The following KIRREL3 variants were observed in gnomAD, a reference collection of about 807,000 sequenced individuals.
KIRREL3 encodes kirre like nephrin family adhesion molecule 3.
A neutral mutation model predicts 89.7 loss-of-function variants in KIRREL3; 36 were observed. That is an observed-to-expected ratio of 0.40 (90% CI 0.31 to 0.53). KIRREL3 has a LOEUF of 0.53. Among genes scored for constraint, KIRREL3 ranks in the 20% least tolerant of loss-of-function variants. KIRREL3 has a pLI of 0.49. For synonymous variants in KIRREL3, 445 were observed against 441.4 expected, an observed-to-expected ratio of 1.01 and a Z score of -0.10; for missense variants, 864 against 1,056.6, an observed-to-expected ratio of 0.82 and a Z score of 2.53.
At chr11:126,874,484 C>T (rs1422675766) in intron 1 of KIRREL3, among the ~76,000 whole-genome samples, 2 of 152,210 alleles carry the variant, frequency 1.3e-5, no homozygotes, top group Admixed American at 6.5e-5. Context: ...GATGACTGCA[C>T]TCGGAAGAAT....
rs1405961339 is a variant in KIRREL3, at chr11:126,459,052, A to T, written c.743-2598T>A. Among the ~76,000 whole-genome samples, 3 of 152,102 alleles carry T rather than the reference A, an allele frequency of 2.0e-5. No homozygotes were observed. The highest frequency in any genetic ancestry group is 7.2e-5 in the African/African-American group (3 of 41,406). ...GGTTGGAGAAGTGGAGGTGGGGCAG[A>T]GGAGCTTGGGAATCGCCACCGGATC... On this transcript the variant is annotated intron_variant, in intron 6 of 16. Transcript: ENST00000525144. The surrounding 1 kb of genome is among the most constrained non-coding windows in gnomAD (Gnocchi z 4.8).
intron 1 of KIRREL3, among the ~76,000 whole-genome samples, chr11:126,949,306 G>A (rs1948710743): frequency 2.0e-5 from 3 of 152,152 alleles, no homozygotes; most frequent in Admixed American, 2.0e-4. Flanking sequence ...GTGAGGTGGT[G>A]GGTCTTCTGT....
rs56961102 is a variant in KIRREL3 at position 126,445,178 on chromosome 11, C to T, written c.1126-73G>A. The stretch of plus-strand genomic sequence containing the variant: ...ACTCTTGTCTCTGGGAACAAGGCAG[C>T]TGAGAGGCTGGCCTGGGGTAACTGA... On this transcript the variant is annotated intron_variant, in intron 9 of 16. Coordinates refer to ENST00000525144, the MANE Select transcript of KIRREL3 (RefSeq NM_032531.4). 1.5e-3 allele frequency: 2,415 copies of T among 1,566,834 alleles called. 25 individuals carry two copies. The African/African-American group carries it at 0.027, about 17-fold the overall frequency.
In KIRREL3 at chr11:126,628,276, C is replaced by T. The variant is rs756890233; in HGVS notation, c.56-65364G>A. Among the ~76,000 whole-genome samples the T allele has an allele frequency of 1.1e-4, 17 of 152,152 alleles. No individual in the cohort carries two copies. The highest frequency in any genetic ancestry group is 1.6e-4 in the Non-Finnish European group (11 of 68,028). ...AGACTCTTTCTCTCCAGCCTGGCCTCGCCTTCTCTGTGAGAAGGAAAATGA... is the reference window on the plus strand; with the variant it reads ...AGACTCTTTCTCTCCAGCCTGGCCTTGCCTTCTCTGTGAGAAGGAAAATGA... On this transcript the variant is annotated intron_variant, in intron 1 of 16. Coordinates refer to ENST00000525144, the MANE Select transcript of KIRREL3 (RefSeq NM_032531.4). This position sits in a 1 kb window ranked among gnomAD's most constrained non-coding sequence, Gnocchi z 5.2.
At position 126,579,451 on chromosome 11, in the gene KIRREL3, T is replaced by C. The variant is rs953815268; in HGVS notation, c.56-16539A>G. 1.3e-5 allele frequency among the ~76,000 whole-genome samples: 2 copies of C among 152,188 alleles called. No individual in the cohort carries two copies. Among genetic ancestry groups the C allele is most frequent in the African/African-American group, 4.8e-5 (2 of 41,448 alleles). The stretch of plus-strand genomic sequence containing the variant: ...TTAGATTTCTACTGTGCCTTTTCTC[T>C]GCAGAGTGCTCAGTGTCCCCAGGAA... On this transcript the variant is annotated intron_variant, in intron 1 of 16. Coordinates refer to ENST00000525144, the MANE Select transcript of KIRREL3 (RefSeq NM_032531.4). This position sits in a 1 kb window ranked among gnomAD's most constrained non-coding sequence, Gnocchi z 5.3.
At position 126,904,849 on chromosome 11, in the gene KIRREL3, G is replaced by A. The variant is rs1308965491; in HGVS notation, c.55+95606C>T. Among the ~76,000 whole-genome samples, 2 of 152,174 alleles carry A rather than the reference G, an allele frequency of 1.3e-5. No homozygotes were observed. Among genetic ancestry groups the A allele is most frequent in the African/African-American group, 2.4e-5 (1 of 41,436 alleles). The stretch of plus-strand genomic sequence containing the variant: ...TCAGAGACATTAAGATCCCAGAGAA[G>A]AGAAACTGTAAAAATGTTCTTTGAT... On this transcript the variant is annotated intron_variant, in intron 1 of 16. Transcript: ENST00000525144. This position sits in a 1 kb window ranked among gnomAD's most constrained non-coding sequence, Gnocchi z 4.4.
Position 126,983,107 on chromosome 11 carries a change from AT to A in KIRREL3, c.55+17347del, listed in dbSNP as rs1169850960. On this transcript the variant is annotated intron_variant, in intron 1 of 16. Coordinates refer to ENST00000525144, the MANE Select transcript of KIRREL3 (RefSeq NM_032531.4). The surrounding 1 kb of genome is among the most constrained non-coding windows in gnomAD (Gnocchi z 4.9). Reference sequence around the variant, plus strand: ...AACCATTTTGTACTAAGCACCTATTATTTGATAATCCCCATAGATATACATG... The same window carrying A: ...AACCATTTTGTACTAAGCACCTATTATTGATAATCCCCATAGATATACATG... Among the ~76,000 whole-genome samples the A allele has an allele frequency of 6.6e-6, 1 of 152,172 alleles. No individual in the cohort carries two copies. The highest frequency in any genetic ancestry group is 1.5e-5 in the Non-Finnish European group (1 of 68,042).
chr11:126,650,806 A>G (rs921116085), intron 1 of KIRREL3, among the ~76,000 whole-genome samples: 9 of 152,134 alleles, frequency 5.9e-5, no homozygotes, highest in African/African-American at 2.2e-4. Flanking sequence ...TACTGGTACC[A>G]ATTTACTGTA....
rs943073658 is a variant in KIRREL3 at position 126,655,177 on chromosome 11, G to A, written c.56-92265C>T. 1.3e-5 allele frequency among the ~76,000 whole-genome samples: 2 copies of A among 152,204 alleles called. No homozygotes were observed. The highest frequency in any genetic ancestry group is 4.8e-5 in the African/African-American group (2 of 41,452). ...AGAAGAAAGTGCAGGGTTGGGGTACGGGGAAAGGGGTAAGAAAGGAGATTA... is the reference window on the plus strand; with the variant it reads ...AGAAGAAAGTGCAGGGTTGGGGTACAGGGAAAGGGGTAAGAAAGGAGATTA... On this transcript the variant is annotated intron_variant, in intron 1 of 16. Transcript: ENST00000525144. The surrounding 1 kb of genome is among the most constrained non-coding windows in gnomAD (Gnocchi z 5.0).
At chr11:126,657,611 G>T (rs1031938706) in intron 1 of KIRREL3, among the ~76,000 whole-genome samples, 120 of 152,308 alleles carry the variant, frequency 7.9e-4, no homozygotes, top group African/African-American at 1.4e-4. Flanking sequence ...TGGGTTGGGG[G>T]TGAGGTGGAG....
chr11:126,501,574 C>T lies in KIRREL3; in HGVS notation c.433+19741G>A, dbSNP rs2134368663. Among the ~76,000 whole-genome samples, 1 of 152,288 alleles carries T rather than the reference C, an allele frequency of 6.6e-6. No homozygotes were observed. Among genetic ancestry groups the T allele is most frequent in the African/African-American group, 2.4e-5 (1 of 41,550 alleles). On this transcript the variant is annotated intron_variant, in intron 4 of 16. Coordinates refer to ENST00000525144, the MANE Select transcript of KIRREL3 (RefSeq NM_032531.4). The surrounding 1 kb of genome is among the most constrained non-coding windows in gnomAD (Gnocchi z 5.8). ...AGCTAGGATTTGAACCCAGGCTGTT[C>T]AACTCCAAGTTCTGGGCTCTTTAAA...
At chr11:126,964,755 C>T (rs1186635263) in intron 1 of KIRREL3, among the ~76,000 whole-genome samples, 2 of 152,140 alleles carry the variant, frequency 1.3e-5, no homozygotes, top group African/African-American at 4.8e-5. Context: ...TCAAGGTCAA[C>T]ACTGAGATTT....
At chr11:126,792,847 G>A (rs933500805) in intron 1 of KIRREL3, among the ~76,000 whole-genome samples, 1 of 152,110 alleles carries the variant, frequency 6.6e-6, no homozygotes, top group Non-Finnish European at 1.5e-5. Context: ...GGATATACAC[G>A]TGTGATAAAG....
intron 1 of KIRREL3, among the ~76,000 whole-genome samples, chr11:126,693,481 A>G (rs1946959982): frequency 6.6e-6 from 1 of 152,176 alleles, no homozygotes; most frequent in South Asian, 2.1e-4. Flanking sequence ...GGAGATGAAG[A>G]ATGCATCTGA....
At chr11:126,499,661 G>C (rs547909035) in intron 4 of KIRREL3, among the ~76,000 whole-genome samples, 1 of 152,208 alleles carries the variant, frequency 6.6e-6, no homozygotes, top group Admixed American at 6.5e-5. Context: ...CAGGGTGGGC[G>C]TCTATCTTTC....
chr11:126,716,761 A>G (rs149524177), intron 1 of KIRREL3, among the ~76,000 whole-genome samples: 47 of 48,396 alleles, frequency 9.7e-4, no homozygotes, highest in Middle Eastern at 9.6e-3. Flanking sequence ...GGGGGGGGGG[A>G]AGTGTGGGGG....
rs916906880 is a variant in KIRREL3, at chr11:126,639,340, C to T, written c.56-76428G>A. 2.0e-5 allele frequency among the ~76,000 whole-genome samples: 3 copies of T among 152,122 alleles called. No individual in the cohort carries two copies. Among genetic ancestry groups the T allele is most frequent in the Admixed American group, 2.0e-4 (3 of 15,282 alleles). On this transcript the variant is annotated intron_variant, in intron 1 of 16. Coordinates refer to ENST00000525144, the MANE Select transcript of KIRREL3 (RefSeq NM_032531.4). The surrounding 1 kb of genome is among the most constrained non-coding windows in gnomAD (Gnocchi z 4.3). ...TGTATTTCTGTTTGGATTTTTGGGTCCTTTTCTTTTTGTACCTCTGGGTAA... is the reference window on the plus strand; with the variant it reads ...TGTATTTCTGTTTGGATTTTTGGGTTCTTTTCTTTTTGTACCTCTGGGTAA...
In KIRREL3 at chr11:126,948,571, C is replaced by G. The variant is rs1310253213; in HGVS notation, c.55+51884G>C. On this transcript the variant is annotated intron_variant, in intron 1 of 16. Coordinates refer to ENST00000525144, the MANE Select transcript of KIRREL3 (RefSeq NM_032531.4). This position sits in a 1 kb window ranked among gnomAD's most constrained non-coding sequence, Gnocchi z 4.5. Reference sequence around the variant, plus strand: ...GAGGGATTTTAGGCTTCCCAAAAAGCATAAAAAGCAGTTAAGCATTTAAAA... The same window carrying G: ...GAGGGATTTTAGGCTTCCCAAAAAGGATAAAAAGCAGTTAAGCATTTAAAA... 6.6e-6 allele frequency among the ~76,000 whole-genome samples: 1 copy of G among 152,154 alleles called. No homozygotes were observed. The highest frequency in any genetic ancestry group is 1.9e-4 in the East Asian group (1 of 5,202).
chr11:126,866,918 C>T (rs890219520), intron 1 of KIRREL3, among the ~76,000 whole-genome samples: 1 of 152,192 alleles, frequency 6.6e-6, no homozygotes, highest in Non-Finnish European at 1.5e-5. Flanking sequence ...ACCTTGCACT[C>T]ATCCTCCAAG....
Sources: gnomAD v4.1 joint callset for allele counts (sites outside exome capture counted in the v4.1 genomes callset) on GRCh38, gnomAD v4.1.1 for gene constraint, Gnocchi (gnomAD v3.1) non-coding constraint, MANE v1.5 for transcripts, NCBI Gene and HGNC (gene_info 2026-07-23, HGNC 2026-07-21) for gene names.